The following KIAA0825 variants were observed in gnomAD, a reference collection of about 807,000 sequenced individuals.
KIAA0825 encodes the protein uncharacterized protein KIAA0825.
KIAA0825 carries 119 observed loss-of-function variants against 147.6 expected under a neutral mutation model. The ratio of observed to expected loss-of-function variants is 0.81; its 90% confidence interval spans 0.69 to 0.94. KIAA0825 has a LOEUF of 0.94. Ranked by LOEUF, KIAA0825 falls within the 40% of genes least tolerant of loss-of-function variation. KIAA0825 has a pLI of 0.00. For synonymous variants in KIAA0825, 470 were observed against 518.1 expected (o/e 0.91, Z 1.26); for missense variants, 1,381 against 1,472.7 (o/e 0.94, Z 1.02).
At position 94,520,639 on chromosome 5, in the gene KIAA0825, C is replaced by T. The variant is rs763332382; in HGVS notation, c.579G>A (p.Lys193=). Residue 193 remains lysine (K), a synonymous_variant, in exon 5 of 21, where the codon AAG becomes AAA. Coordinates refer to ENST00000682413, the MANE Select transcript of KIAA0825 (RefSeq NM_001145678.3). ...GAAACAAGAGTTGTTGTAAGCACTG[C>T]TTTTTCAATAAAATTTTTTGCTGTG... ...NNSQQKILLK[K]QCLQQLLFLY... is the part of the protein sequence containing the mutation. The T allele has an allele frequency of 7.6e-5, 122 of 1,613,218 alleles. No individual in the cohort carries two copies. In the Admixed American group the frequency reaches 1.7e-3, roughly 22 times the overall value.
rs551193029 is a variant in KIAA0825 at position 94,504,893 on chromosome 5, G to A, written c.970+15355C>T. On this transcript the variant is annotated intron_variant, in intron 5 of 20. Coordinates refer to ENST00000682413, the MANE Select transcript of KIAA0825 (RefSeq NM_001145678.3). ...CTCCCAAGTAGCTGGGATTACAGGT[G>A]CATGCCACCATACCTGGCTAATTTT... Among the ~76,000 whole-genome samples the A allele has an allele frequency of 5.0e-4, 76 of 151,740 alleles. No homozygotes were observed. The South Asian group carries it at 0.014, about 28-fold the overall frequency.
chr5:94,169,199 A>C (rs899216836), intron 20 of KIAA0825, among the ~76,000 whole-genome samples: 1 of 152,242 alleles, frequency 6.6e-6, no homozygotes, highest in African/African-American at 2.4e-5. Flanking sequence ...CAATTCTGTC[A>C]TTCCAACTAA....
At chr5:94,579,630 C>G (rs1011299299) in intron 2 of KIAA0825, among the ~76,000 whole-genome samples, 4 of 152,156 alleles carry the variant, frequency 2.6e-5, no homozygotes, top group African/African-American at 9.6e-5. Context: ...AATGAATTTG[C>G]ATAAAGCTGG....
chr5:94,499,470 G>C (rs753848866), intron 5 of KIAA0825, among the ~76,000 whole-genome samples: 5 of 151,650 alleles, frequency 3.3e-5, no homozygotes, highest in Non-Finnish European at 7.4e-5. Flanking sequence ...ATCATCCTGG[G>C]CATAAGTTAG....
intron 5 of KIAA0825, among the ~76,000 whole-genome samples, chr5:94,514,679 C>T (rs1230559420): frequency 2.0e-5 from 3 of 152,142 alleles, no homozygotes; most frequent in Admixed American, 6.5e-5. Flanking sequence ...TTTCTTCTTT[C>T]GTAATATCAT....
intron 20 of KIAA0825, among the ~76,000 whole-genome samples, chr5:94,240,085 C>T (rs551293192): frequency 1.9e-4 from 29 of 152,158 alleles, no homozygotes; most frequent in Middle Eastern, 3.4e-3. Context: ...TTAAAAGTGC[C>T]GAAACAGAAA....
chr5:94,538,349 A>C (rs1032520948), intron 2 of KIAA0825, among the ~76,000 whole-genome samples: 3 of 152,236 alleles, frequency 2.0e-5, no homozygotes, highest in African/African-American at 7.2e-5. Flanking sequence ...AGCTATGGGG[A>C]AAGAAGTAAG....
At chr5:94,574,247 C>A (rs1219200727) in intron 2 of KIAA0825, among the ~76,000 whole-genome samples, 1 of 151,976 alleles carries the variant, frequency 6.6e-6, no homozygotes, top group African/African-American at 2.4e-5. Flanking sequence ...CGATCCACAA[C>A]TAGTAAAGAA....
At chr5:94,250,719 C>T (rs2150120386) in intron 20 of KIAA0825, among the ~76,000 whole-genome samples, 1 of 152,220 alleles carries the variant, frequency 6.6e-6, no homozygotes, top group East Asian at 1.9e-4. Flanking sequence ...AGAGTTGGCA[C>T]TGCATGCAAA....
At chr5:94,457,963 A>C (rs564974495) in intron 12 of KIAA0825, among the ~76,000 whole-genome samples, 3 of 152,198 alleles carry the variant, frequency 2.0e-5, no homozygotes, top group Non-Finnish European at 4.4e-5. Flanking sequence ...GGAGGTGTTC[A>C]GTAAATAATA....
chr5:94,290,287 C>T (rs1777829794), intron 20 of KIAA0825, among the ~76,000 whole-genome samples: 4 of 152,110 alleles, frequency 2.6e-5, no homozygotes, highest in Admixed American at 2.6e-4. Context: ...CTCCCCTAGC[C>T]CCCCACCACC....
chr5:94,505,753 G>T (rs1241615403), intron 5 of KIAA0825, among the ~76,000 whole-genome samples: 1 of 152,102 alleles, frequency 6.6e-6, no homozygotes, highest in Non-Finnish European at 1.5e-5. Flanking sequence ...AATAATAATT[G>T]CATGGGATAA....
chr5:94,576,736 A>G (rs1158109201), intron 2 of KIAA0825, among the ~76,000 whole-genome samples: 1 of 152,216 alleles, frequency 6.6e-6, no homozygotes. Context: ...TTGCTGCTTC[A>G]TTACTTGGTG....
chr5:94,390,038 T>C (rs1452747170), intron 18 of KIAA0825, among the ~76,000 whole-genome samples: 3 of 152,194 alleles, frequency 2.0e-5, no homozygotes, highest in Non-Finnish European at 4.4e-5. Flanking sequence ...TCTCATGGTA[T>C]CCTGTTCAGA....
intron 16 of KIAA0825, among the ~76,000 whole-genome samples, chr5:94,401,449 T>C (rs569955305): frequency 1.3e-5 from 2 of 152,266 alleles, no homozygotes; most frequent in African/African-American, 4.8e-5. Flanking sequence ...TTATGAGGAT[T>C]AATTTTGTTA....
chr5:94,225,223 A>T (rs542297961), intron 20 of KIAA0825, among the ~76,000 whole-genome samples: 1 of 152,344 alleles, frequency 6.6e-6, no homozygotes, highest in South Asian at 2.1e-4. Flanking sequence ...TAAAATGAAC[A>T]GAGGAGAATA....
At chr5:94,395,867 C>T (rs1750583492) in intron 17 of KIAA0825, among the ~76,000 whole-genome samples, 1 of 152,112 alleles carries the variant, frequency 6.6e-6, no homozygotes, top group Non-Finnish European at 1.5e-5. Context: ...AAGATGGTGA[C>T]TAAACAAGTA....
intron 20 of KIAA0825, among the ~76,000 whole-genome samples, chr5:94,226,460 T>A (rs1182745953): frequency 6.6e-6 from 1 of 152,078 alleles, no homozygotes; most frequent in Non-Finnish European, 1.5e-5. Flanking sequence ...AGTGTGGTGA[T>A]TCCTCAAGGA....
chr5:94,596,836 C>T (rs1785404624), intron 1 of KIAA0825, among the ~76,000 whole-genome samples: 1 of 152,012 alleles, frequency 6.6e-6, no homozygotes, highest in Admixed American at 6.6e-5. Context: ...ATTTTTGTGG[C>T]AATTGTGAAT....
Sources: allele counts gnomAD v4.1 joint callset (sites outside exome capture counted in the v4.1 genomes callset), GRCh38; gene constraint gnomAD v4.1.1; transcripts MANE v1.5; gene names NCBI Gene and HGNC (gene_info 2026-07-23, HGNC 2026-07-21).